The following LMNTD2 variants were observed in gnomAD, a reference collection of about 807,000 sequenced individuals.
LMNTD2 encodes the protein lamin tail domain containing 2.
A neutral mutation model predicts 70.1 loss-of-function variants in LMNTD2; 83 were observed. The observed-to-expected ratio is 1.18, with a 90% confidence interval of 0.99 to 1.42. LMNTD2 has a LOEUF of 1.42. Ranked by LOEUF, LMNTD2 falls within the 40% of genes most tolerant of loss-of-function variation. The pLI is 0.00. For missense variants in LMNTD2, 1,153 were observed against 905.9 expected (o/e 1.27, Z -3.50); for synonymous variants, 534 against 406.1 (o/e 1.31, Z -3.79).
Position 556,940 on chromosome 11 carries a change from C to A in LMNTD2, c.871G>T (p.Gly291Cys), listed in dbSNP as rs980397980. The change falls in exon 8 of 14, where the codon GGC becomes TGC. Residue 291 changes from glycine to cysteine, a missense_variant. Physicochemically the swap from Gly to Cys is radical, Grantham distance 159 (BLOSUM62 -3). Coordinates refer to ENST00000329451, the MANE Select transcript of LMNTD2 (RefSeq NM_173573.3). ...ATCACCTGCACGAAGGAAGGCAGGC[C>A]CGGCCGGCAGCTGCTGGAGTCGGAG... ...ADSDSSSCRPGLPSFVQVIGH... is the reference protein window; with the variant it reads ...ADSDSSSCRPCLPSFVQVIGH... 3.1e-5 allele frequency: 49 copies of A among 1,600,756 alleles called. No individual in the cohort carries two copies. In the Middle Eastern group the frequency reaches 1.7e-3, roughly 54 times the overall value.
At chr11:560,571 G>A in intron 1 of LMNTD2, 112 bp downstream of exon 1, 2 of 1,288,390 alleles carry the variant, frequency 1.6e-6, no homozygotes, top group Non-Finnish European at 2.0e-6. Flanking sequence ...CGCTGCCCCT[G>A]GACGCAGGCG....
At position 556,971 on chromosome 11, in the gene LMNTD2, G is replaced by GC; in HGVS notation, c.839dup (p.Ala281ArgfsTer2). On this transcript the variant is annotated frameshift_variant, in exon 8 of 14. Coordinates refer to ENST00000329451, the MANE Select transcript of LMNTD2 (RefSeq NM_173573.3). LOFTEE classifies it high-confidence loss of function. ...GGCAGCTGCTGGAGTCGGAGTCAGC[G>GC]CCCCCTGAGCTGCTGGTGTTCAGAC... 1.2e-6 allele frequency: 2 copies of GC among 1,606,076 alleles called. No homozygotes were observed. Among genetic ancestry groups the GC allele is most frequent in the Non-Finnish European group, 1.7e-6 (2 of 1,178,918 alleles).
Position 555,147 on chromosome 11 carries a change from G to T in LMNTD2, c.1774-36C>A, listed in dbSNP as rs748921018. The stretch of plus-strand genomic sequence containing the variant: ...CGGGGGCTGAGAGGCGCGCGGGGCG[G>T]GGCGGGGACGGGAGGGGAGGGGAGG... On this transcript the variant is annotated intron_variant, in intron 13 of 13. Transcript: ENST00000329451. 53 of 933,874 alleles carry T rather than the reference G, an allele frequency of 5.7e-5. 1 individual carries two copies. The East Asian group carries it at 7.0e-4, about 12-fold the overall frequency. 57.8% of individuals were successfully genotyped at this position (933,874 alleles called of 1,614,324 possible).
In LMNTD2 at chr11:558,184, C is replaced by T. The variant is rs2134103442; in HGVS notation, c.376G>A (p.Glu126Lys). The T allele has an allele frequency of 1.2e-6, 2 of 1,613,576 alleles. No individual in the cohort carries two copies. The highest frequency in any genetic ancestry group is 1.7e-6 in the Non-Finnish European group (2 of 1,179,850). The change falls in exon 4 of 14, where the codon GAA (glutamate) becomes AAA (lysine). Residue 126 changes from glutamate to lysine, a missense_variant. Coordinates refer to ENST00000329451, the MANE Select transcript of LMNTD2 (RefSeq NM_173573.3). ...ACCCACTGGGCTCGCTCCTTCTGTTCCTTCAACTCCTGGATCAGCTTCTGG... is the reference window on the plus strand; with the variant it reads ...ACCCACTGGGCTCGCTCCTTCTGTTTCTTCAACTCCTGGATCAGCTTCTGG... ...QVQKLIQELK[E>K]QKERAQWEKE...
Position 556,935 on chromosome 11 carries a change from C to T in LMNTD2, c.876G>A (p.Leu292=). Residue 292 remains leucine (L), a synonymous_variant, in exon 8 of 14, where the codon CTG becomes CTA. Transcript: ENST00000329451. ...DSDSSSCRPG[L]PSFVQVIGHP... ...GCCCTATCACCTGCACGAAGGAAGG[C>T]AGGCCCGGCCGGCAGCTGCTGGAGT... is the stretch of plus-strand genomic sequence containing the variant. 6.2e-7 allele frequency: 1 copy of T among 1,600,160 alleles called. No individual in the cohort carries two copies. Among genetic ancestry groups the T allele is most frequent in the Non-Finnish European group, 8.5e-7 (1 of 1,177,356 alleles).
In LMNTD2 at chr11:557,003, G is replaced by A; in HGVS notation, c.808C>T (p.Leu270=). 1 of 1,608,744 alleles carries A rather than the reference G, an allele frequency of 6.2e-7. No individual in the cohort carries two copies. Among genetic ancestry groups the A allele is most frequent in the Non-Finnish European group, 8.5e-7 (1 of 1,179,022 alleles). ...RHHKTVEWGS[L]PCLNTSSSGG... ...GAGCTGCTGGTGTTCAGACAGGGCA[G>A]GGAGCCCCACTCCACGGTCTTGTGA... The change falls in exon 8 of 14, where the codon CTG becomes TTG. Residue 270 remains leucine (L), a synonymous_variant. Transcript: ENST00000329451.
At position 558,427 on chromosome 11, in the gene LMNTD2, C is replaced by T. The variant is rs78104313; in HGVS notation, c.312-179G>A. 933 of 1,048,806 alleles carry T rather than the reference C, an allele frequency of 8.9e-4. 7 individuals are homozygous for T. The African/African-American group carries it at 0.013, about 15-fold the overall frequency. The allele number at this position is 1,048,806 out of a possible 1,614,324, so 65.0% of individuals were successfully genotyped here. ...GCTGGTCTGGACAAGGGTCTAGCAC[C>T]CATCCACATGCGCAGGGTTAGGGTG... On this transcript the variant is annotated intron_variant, in intron 3 of 13. Transcript: ENST00000329451.
rs374569827 is a variant in LMNTD2 at position 557,108 on chromosome 11, C to T, written c.714-11G>A. The T allele has an allele frequency of 1.5e-5, 24 of 1,576,604 alleles. No homozygotes were observed. Among genetic ancestry groups the T allele is most frequent in the African/African-American group, 1.2e-4 (9 of 74,304 alleles). ...CAGGGCCGGGGCTGCCTGTGGACCA[C>T]GCTCTGCTTGATGGCCACTCCAGCT... On this transcript the variant is annotated splice_polypyrimidine_tract_variant and intron_variant, in intron 7 of 13. Transcript: ENST00000329451.
Position 556,052 on chromosome 11 carries a change from C to A in LMNTD2, c.1321G>T (p.Val441Phe), listed in dbSNP as rs1483087250. 1.3e-6 allele frequency: 2 copies of A among 1,551,520 alleles called. No homozygotes were observed. Among genetic ancestry groups the A allele is most frequent in the Non-Finnish European group, 1.7e-6 (2 of 1,159,584 alleles). Residue 441 changes from valine (V) to phenylalanine (F), a missense_variant, in exon 11 of 14, where the codon GTT (valine) becomes TTT (phenylalanine). Physicochemically the swap from Val to Phe is conservative, Grantham distance 50. Coordinates refer to ENST00000329451, the MANE Select transcript of LMNTD2 (RefSeq NM_173573.3). Reference protein sequence around the residue: ...PLRASSSREPVPLLSIRGCAT... With the variant: ...PLRASSSREPFPLLSIRGCAT... ...CAGCCGCGGATGGAGAGGAGGGGAA[C>A]GGGCTCCCGGCTCGAGGACGCGCGC...
chr11:559,697 G>A (rs1564820348), intron 1 of LMNTD2: 1 of 1,165,552 alleles, frequency 8.6e-7, no homozygotes, highest in Admixed American at 3.7e-5. Context: ...ACAGTGACAA[G>A]CTGGGGACTG....
Position 555,117 on chromosome 11 carries a change from G to A in LMNTD2, c.1774-6C>T, listed in dbSNP as rs750385179. 2.7e-6 allele frequency: 4 copies of A among 1,460,614 alleles called. No individual in the cohort carries two copies. The highest frequency in any genetic ancestry group is 4.8e-5 in the Admixed American group (2 of 41,312). The allele number at this position is 1,460,614 out of a possible 1,614,324, so 90.5% of individuals were successfully genotyped here. On this transcript the variant is annotated splice_region_variant and splice_polypyrimidine_tract_variant and intron_variant, in intron 13 of 13. Transcript: ENST00000329451. The stretch of plus-strand genomic sequence containing the variant: ...TCCACGCTCTTCCGGCACACCTGGG[G>A]GGCGCGGGGGCTGAGAGGCGCGCGG...
chr11:555,849 G>C lies in LMNTD2; in HGVS notation c.1459C>G (p.Arg487Gly), dbSNP rs781570848. Residue 487 changes from arginine to glycine, a missense_variant, in exon 12 of 14, where the codon CGC becomes GGC. Arg to Gly is a moderately radical substitution (Grantham distance 125). Transcript: ENST00000329451. ...FADGTDLSID[R>G]FPLPEAGPGA... ...GGCCCGGCCTCAGGGAGCGGGAAGC[G>C]GTCGATGGACAAGTCGGTGCCGTCG... The C allele has an allele frequency of 6.4e-7, 1 of 1,555,456 alleles. No individual in the cohort carries two copies. The highest frequency in any genetic ancestry group is 8.6e-7 in the Non-Finnish European group (1 of 1,157,612).
intron 3 of LMNTD2, 35 bp from the exon 4 acceptor site, chr11:558,283 G>A (rs749484223): frequency 1.2e-6 from 2 of 1,601,132 alleles, no homozygotes; most frequent in Non-Finnish European, 8.5e-7. Flanking sequence ...CCCCCACCCT[G>A]CTCAGGCAGG....
At chr11:559,522 G>C in intron 1 of LMNTD2, 1 of 1,264,518 alleles carries the variant, frequency 7.9e-7, no homozygotes, top group Non-Finnish European at 1.0e-6. Flanking sequence ...GAGAGGCTGA[G>C]CCACTGCTCA....
At position 558,200 on chromosome 11, in the gene LMNTD2, C is replaced by T; in HGVS notation, c.360G>A (p.Leu120=). Residue 120 remains leucine, a synonymous_variant, in exon 4 of 14, where the codon CTG becomes CTA. Coordinates refer to ENST00000329451, the MANE Select transcript of LMNTD2 (RefSeq NM_173573.3). ...EKLLQNQVQK[L]IQELKEQKER... is the part of the protein sequence containing the mutation. ...CCTTCTGTTCCTTCAACTCCTGGATCAGCTTCTGGACCTGGTTCTGCAGGA... is the reference window on the plus strand; with the variant it reads ...CCTTCTGTTCCTTCAACTCCTGGATTAGCTTCTGGACCTGGTTCTGCAGGA... The T allele has an allele frequency of 1.2e-6, 2 of 1,613,624 alleles. No homozygotes were observed. Among genetic ancestry groups the T allele is most frequent in the Non-Finnish European group, 1.7e-6 (2 of 1,179,854 alleles).
In LMNTD2 at chr11:556,586, G is replaced by A. The variant is rs1175620614; in HGVS notation, c.979C>T (p.Leu327Phe). ...AGSYSRDSED[L>F]QKTHSPRHGE... ...TGCCTGGGTGAGTGGGTTTTCTGGA[G>A]ATCTAGAGAGAGCAGCGCTTTTGGG... Residue 327 changes from leucine to phenylalanine, a missense_variant and splice_region_variant, in exon 9 of 14, where the codon CTC becomes TTC. Transcript: ENST00000329451. 1.3e-6 allele frequency: 2 copies of A among 1,527,954 alleles called. No individual in the cohort carries two copies. The highest frequency in any genetic ancestry group is 1.8e-6 in the Non-Finnish European group (2 of 1,139,106). The allele number at this position is 1,527,954 out of a possible 1,614,324, so 94.6% of individuals were successfully genotyped here.
In LMNTD2 at chr11:559,568, G is replaced by C. The variant is rs575165008; in HGVS notation, c.35-589C>G. ...GGGACCACTTAGTGACCAACACCCT[G>C]AGGGAGGCCCCAGCATCCCCTACCT... On this transcript the variant is annotated intron_variant, in intron 1 of 13. Transcript: ENST00000329451. 2.5e-6 allele frequency: 3 copies of C among 1,195,750 alleles called. No individual in the cohort carries two copies. In the African/African-American group the frequency reaches 4.8e-5, roughly 19 times the overall value. The allele number at this position is 1,195,750 out of a possible 1,614,324, so 74.1% of individuals were successfully genotyped here.
At position 556,831 on chromosome 11, in the gene LMNTD2, G is replaced by A; in HGVS notation, c.976+4C>T. The stretch of plus-strand genomic sequence containing the variant: ...GTAACCAGGGGAGACCCGCCCCACT[G>A]CACCTTCTGAGTCCCTGCTGTAGCT... On this transcript the variant is annotated splice_donor_region_variant and intron_variant, in intron 8 of 13. Transcript: ENST00000329451. 1 of 1,564,416 alleles carries A rather than the reference G, an allele frequency of 6.4e-7. No individual in the cohort carries two copies. Among genetic ancestry groups the A allele is most frequent in the Non-Finnish European group, 8.7e-7 (1 of 1,152,540 alleles).
intron 13 of LMNTD2, 46 bp from the exon 14 acceptor site, chr11:555,157 G>GGGAGGGGAGGGGAGGGGAGCGGCGA: frequency 6.2e-6 from 3 of 487,506 alleles, no homozygotes; most frequent in African/African-American, 3.2e-5. Flanking sequence ...GGGCGGGGAC[G>GGGAGGGGAGGGGAGGGGAGCGGCGA]GGAGGGGAGG....
Sources: allele counts gnomAD v4.1 joint callset, GRCh38; gene constraint gnomAD v4.1.1; transcripts MANE v1.5; gene names NCBI Gene and HGNC (gene_info 2026-07-23, HGNC 2026-07-21).